NXPE2: variants seen among roughly 807,000 people sequenced by gnomAD.
The protein encoded by NXPE2 is neurexophilin and PC-esterase domain family member 2, also known as NXPE family member 2.
Under a neutral mutation model 34.4 loss-of-function variants are expected in NXPE2, and 34 were observed. That is an observed-to-expected ratio of 0.99 (90% CI 0.75 to 1.31). NXPE2 has a LOEUF of 1.31. NXPE2 is among the 40% of genes most tolerant of loss of function. The probability of loss-of-function intolerance (pLI) is 0.00; values close to 1 mark genes in which losing one functional copy is unlikely to be tolerated. For missense variants in NXPE2, 649 were observed against 672.5 expected (o/e 0.97, Z 0.39); for synonymous variants, 235 against 231.3 (o/e 1.02, Z -0.15).
the NXPE2 span, among the ~76,000 whole-genome samples, chr11:114,654,096 G>C: frequency 6.6e-6 from 1 of 152,114 alleles, no homozygotes; most frequent in African/African-American, 2.4e-5. Context: ...AAAGAAGCAG[G>C]AGATGAAGTT....
At chr11:114,529,971 A>G in the NXPE2 span, 1 of 534,264 alleles carries the variant, frequency 1.9e-6, no homozygotes, top group South Asian at 3.3e-5. Flanking sequence ...CGGTTATAGC[A>G]AAACACATGA....
chr11:114,603,870 A>G, the NXPE2 span, among the ~76,000 whole-genome samples: 1 of 147,392 alleles, frequency 6.8e-6, no homozygotes, highest in African/African-American at 2.5e-5. Flanking sequence ...TAGGTAACTA[A>G]TATTATCTGG....
chr11:114,512,440 CA>C, the NXPE2 span, among the ~76,000 whole-genome samples: 1 of 152,044 alleles, frequency 6.6e-6, no homozygotes, highest in African/African-American at 2.4e-5. Flanking sequence ...ATGTTAGTGT[CA>C]AACTTGGCAG....
chr11:114,481,516 A>T, the NXPE2 span, among the ~76,000 whole-genome samples: 3 of 152,270 alleles, frequency 2.0e-5, no homozygotes, highest in East Asian at 5.8e-4. Context: ...AAGGAAGTGA[A>T]ATTTTAAAAA....
chr11:114,632,605 TTA>T, the NXPE2 span, among the ~76,000 whole-genome samples: 4 of 103,114 alleles, frequency 3.9e-5, no homozygotes, highest in African/African-American at 1.6e-4. Context: ...ATGTATATAT[TTA>T]TATTTTATAT....
chr11:114,771,743 T>C, the NXPE2 span, among the ~76,000 whole-genome samples: 1 of 152,364 alleles, frequency 6.6e-6, no homozygotes, highest in South Asian at 2.1e-4. Flanking sequence ...TTCTGACTCT[T>C]GTTAGCGCTC....
downstream of NXPE2, among the ~76,000 whole-genome samples, chr11:114,708,383 G>T (rs564681826): frequency 6.1e-4 from 93 of 152,090 alleles, no homozygotes; most frequent in South Asian, 0.017. Context: ...GACAAATTTT[G>T]TCTCTAAATC....
the NXPE2 span, among the ~76,000 whole-genome samples, chr11:114,524,965 T>TATATCTA: frequency 6.6e-6 from 1 of 152,162 alleles, no homozygotes; most frequent in African/African-American, 2.4e-5. Context: ...GTTTATCTAG[T>TATATCTA]GTTTCTTGTA....
the NXPE2 span, among the ~76,000 whole-genome samples, chr11:114,599,174 C>T: frequency 6.6e-6 from 1 of 152,162 alleles, no homozygotes; most frequent in Non-Finnish European, 1.5e-5. Flanking sequence ...TCATCACTTT[C>T]AAGGTCAAAG....
the NXPE2 span, among the ~76,000 whole-genome samples, chr11:114,657,146 T>G: frequency 6.6e-6 from 1 of 152,276 alleles, no homozygotes; most frequent in Non-Finnish European, 1.5e-5. Flanking sequence ...TGTACTATAC[T>G]CATCCTCAGT....
chr11:114,617,464 C>A, the NXPE2 span, among the ~76,000 whole-genome samples: 2 of 151,490 alleles, frequency 1.3e-5, no homozygotes, highest in African/African-American at 4.8e-5. Flanking sequence ...CCACTGTTAT[C>A]TGCTGGATAT....
the NXPE2 span, among the ~76,000 whole-genome samples, chr11:114,768,447 G>T: frequency 6.6e-6 from 1 of 152,166 alleles, no homozygotes. Flanking sequence ...ATTCTGTGAA[G>T]AAAGTCAATG....
chr11:114,703,015 G>A (rs187767698), intron 3 of NXPE2, among the ~76,000 whole-genome samples: 1 of 152,298 alleles, frequency 6.6e-6, no homozygotes, highest in East Asian at 1.9e-4. Flanking sequence ...GCTGGACATA[G>A]TCACCATAGT....
the NXPE2 span, among the ~76,000 whole-genome samples, chr11:114,612,859 A>T: frequency 6.7e-6 from 1 of 148,230 alleles, no homozygotes; most frequent in East Asian, 2.1e-4. Context: ...TGGGTAATCA[A>T]TGTTACCCCG....
chr11:114,620,406 A>T, the NXPE2 span, among the ~76,000 whole-genome samples: 1 of 151,828 alleles, frequency 6.6e-6, no homozygotes, highest in Non-Finnish European at 1.5e-5. Flanking sequence ...TACCCATTGG[A>T]TAATAAGTGT....
the NXPE2 span, among the ~76,000 whole-genome samples, chr11:114,616,117 A>C: frequency 6.6e-6 from 1 of 151,796 alleles, no homozygotes; most frequent in Non-Finnish European, 1.5e-5. Flanking sequence ...ATGGGTAACC[A>C]CTGTTATCCG....
chr11:114,802,840 A>G, the NXPE2 span, among the ~76,000 whole-genome samples: 1 of 152,274 alleles, frequency 6.6e-6, no homozygotes, highest in African/African-American at 2.4e-5. Context: ...TCTAAAGTTG[A>G]GATTGATGTA....
rs112351989 is a variant in NXPE2 at position 114,698,317 on chromosome 11, G to A, written c.405G>A (p.Val135=). ...RGDQLDILLE[V]RDHLGHRKQY... ...ATCAGCTGGACATCCTTCTGGAGGT[G>A]AGGGACCACTTGGGACACAGGAAGC... is the stretch of plus-strand genomic sequence containing the variant. The change falls in exon 3 of 6, where the codon GTG becomes GTA. Residue 135 remains valine (V), a synonymous_variant. Coordinates refer to ENST00000389586, the MANE Select transcript of NXPE2 (RefSeq NM_182495.6). 7 of 1,613,970 alleles carry A rather than the reference G, an allele frequency of 4.3e-6. No individual in the cohort carries two copies. The highest frequency in any genetic ancestry group is 4.0e-5 in the African/African-American group (3 of 75,052).
the NXPE2 span, among the ~76,000 whole-genome samples, chr11:114,806,272 C>A: frequency 6.6e-6 from 1 of 152,134 alleles, no homozygotes; most frequent in Admixed American, 6.5e-5. Flanking sequence ...ACTGGAAACT[C>A]TAAAAATCAG....
Sources: allele counts gnomAD v4.1 joint callset (sites outside exome capture counted in the v4.1 genomes callset), GRCh38; gene constraint gnomAD v4.1.1; transcripts MANE v1.5; gene names NCBI Gene and HGNC (gene_info 2026-07-23, HGNC 2026-07-21).